The following GREB1L variants were observed in gnomAD, a reference collection of about 807,000 sequenced individuals.
GREB1L encodes GREB1 like retinoic acid receptor coactivator, also known as GREB1-like protein.
In GREB1L, 17 loss-of-function variants were observed where a neutral mutation model predicts 200.8. The observed-to-expected ratio is 0.08, with a 90% CI of 0.06 to 0.13. The LOEUF is 0.13. Ranked by LOEUF, GREB1L falls within the 10% of genes least tolerant of loss-of-function variation. GREB1L has a pLI of 1.00. For missense variants in GREB1L, 1,657 were observed against 2,367.7 expected (o/e 0.70, Z 6.23); for synonymous variants, 789 against 893.0 (o/e 0.88, Z 2.08).
chr18:21,486,174 G>A (rs1377621932), intron 18 of GREB1L, among the ~76,000 whole-genome samples: 2 of 152,148 alleles, frequency 1.3e-5, no homozygotes, highest in Non-Finnish European at 1.5e-5. Context: ...CTAACACGGT[G>A]AAACCCCATC....
chr18:21,391,793 G>T (rs563263122), intron 4 of GREB1L, among the ~76,000 whole-genome samples: 155 of 152,284 alleles, frequency 1.0e-3, no homozygotes, highest in African/African-American at 3.3e-3. Flanking sequence ...AGTAATTTTA[G>T]ATTGGTTTGT....
At chr18:21,363,451 G>A (rs2039612761) in intron 1 of GREB1L, 1 of 151,904 alleles carries the variant, frequency 6.6e-6, no homozygotes, top group Non-Finnish European at 1.5e-5. Context: ...TTTTGTGTGT[G>A]TGGCAATTGT....
At chr18:21,508,784 C>A in intron 27 of GREB1L, 193 bp downstream of exon 27, 1 of 606,522 alleles carries the variant, frequency 1.6e-6, no homozygotes, top group Admixed American at 3.0e-5. Flanking sequence ...TTTATCTGCA[C>A]TTTTGCAGAA....
intron 10 of GREB1L, 93 bp downstream of exon 10, chr18:21,441,630 T>G: frequency 8.8e-7 from 1 of 1,140,322 alleles, no homozygotes; most frequent in Non-Finnish European, 1.2e-6. Context: ...CATGAAGATA[T>G]TCATCCATCT....
At chr18:21,378,291 A>G (rs1375727499) in intron 2 of GREB1L, among the ~76,000 whole-genome samples, 1 of 152,212 alleles carries the variant, frequency 6.6e-6, no homozygotes, top group Admixed American at 6.5e-5. Context: ...TTTGGGTAGC[A>G]TTGGGATATC....
intron 1 of GREB1L, among the ~76,000 whole-genome samples, chr18:21,242,643 C>A (rs906182565): frequency 1.1e-4 from 16 of 152,136 alleles, no homozygotes; most frequent in African/African-American, 3.6e-4. Context: ...TGCCGCCTCG[C>A]GTCGCCCACC....
chr18:21,467,990 A>C (rs1161218631), intron 15 of GREB1L, among the ~76,000 whole-genome samples: 6 of 150,170 alleles, frequency 4.0e-5, no homozygotes, highest in Non-Finnish European at 7.4e-5. Context: ...ATGCCACTGC[A>C]CTCCAGCCTG....
At position 21,385,346 on chromosome 18, in the gene GREB1L, G is replaced by A. The variant is rs560692011; in HGVS notation, c.355+943G>A. On this transcript the variant is annotated intron_variant, in intron 4 of 32. Transcript: ENST00000424526. ...CAAATATGGAAAGTCAGAAAGCCCTGCTTGGGAGTTTTATTTTCTCTTGAC... is the reference window on the plus strand; with the variant it reads ...CAAATATGGAAAGTCAGAAAGCCCTACTTGGGAGTTTTATTTTCTCTTGAC... Among the ~76,000 whole-genome samples the A allele has an allele frequency of 2.6e-5, 4 of 151,686 alleles. No homozygotes were observed. In the East Asian group the frequency reaches 5.8e-4, roughly 22 times the overall value.
At chr18:21,360,708 C>T (rs2039569499) in intron 1 of GREB1L, among the ~76,000 whole-genome samples, 1 of 152,048 alleles carries the variant, frequency 6.6e-6, no homozygotes, top group Admixed American at 6.6e-5. Flanking sequence ...TAGAAAAACT[C>T]CTCTCATTTA....
chr18:21,288,593 A>C (rs1169121272), intron 1 of GREB1L, among the ~76,000 whole-genome samples: 4 of 152,262 alleles, frequency 2.6e-5, no homozygotes, highest in African/African-American at 9.6e-5. Flanking sequence ...TTTTTGAAAT[A>C]ACTATTTCCC....
intron 1 of GREB1L, among the ~76,000 whole-genome samples, chr18:21,282,135 G>A (rs1392796099): frequency 6.6e-6 from 1 of 152,026 alleles, no homozygotes; most frequent in Non-Finnish European, 1.5e-5. Context: ...AAGAAGCCAG[G>A]GGTGGTGGCA....
At position 21,285,189 on chromosome 18, in the gene GREB1L, T is replaced by C. The variant is rs373992092; in HGVS notation, c.-120+42796T>C. 4.1e-4 allele frequency among the ~76,000 whole-genome samples: 63 copies of C among 152,312 alleles called. 1 individual carries two copies. Among genetic ancestry groups the C allele is most frequent in the African/African-American group, 1.5e-3 (61 of 41,592 alleles). On this transcript the variant is annotated intron_variant, in intron 1 of 32. Coordinates refer to ENST00000424526, the MANE Select transcript of GREB1L (RefSeq NM_001142966.3). The stretch of plus-strand genomic sequence containing the variant: ...AATTTTTATCATTTTAAAAATTTTC[T>C]GTTCATTTTCTTGATGTATGTATAC...
chr18:21,471,496 A>T (rs979747317), intron 15 of GREB1L, among the ~76,000 whole-genome samples: 2 of 152,170 alleles, frequency 1.3e-5, no homozygotes, highest in African/African-American at 4.8e-5. Flanking sequence ...GAACTCCATG[A>T]GATTTAGATC....
At chr18:21,344,510 A>T (rs2039316421) in intron 1 of GREB1L, among the ~76,000 whole-genome samples, 1 of 152,206 alleles carries the variant, frequency 6.6e-6, no homozygotes, top group South Asian at 2.1e-4. Context: ...GATCTCACAG[A>T]TGTTGTACTG....
At chr18:21,492,203 A>C (rs1292522671) in intron 19 of GREB1L, among the ~76,000 whole-genome samples, 2 of 151,914 alleles carry the variant, frequency 1.3e-5, no homozygotes, top group Non-Finnish European at 2.9e-5. Context: ...AAAATTAGCC[A>C]GGCATGGTGG....
At chr18:21,297,302 G>A (rs2038545481) in intron 1 of GREB1L, among the ~76,000 whole-genome samples, 1 of 152,122 alleles carries the variant, frequency 6.6e-6, no homozygotes, top group African/African-American at 2.4e-5. Flanking sequence ...TGAATTACAG[G>A]TGTGCAGTGA....
intron 1 of GREB1L, among the ~76,000 whole-genome samples, chr18:21,248,019 G>T (rs553007767): frequency 1.2e-3 from 183 of 152,304 alleles, no homozygotes; most frequent in Non-Finnish European, 2.2e-3. Context: ...TTAAATATTA[G>T]TTATAAAATA....
chr18:21,505,312 C>G, intron 23 of GREB1L, 100 bp from the exon 24 acceptor site: 1 of 1,085,192 alleles, frequency 9.2e-7, no homozygotes, highest in Non-Finnish European at 1.3e-6. Context: ...ATGCCTTTGT[C>G]CACCCATCTG....
chr18:21,476,924 C>T (rs1031351795), intron 16 of GREB1L, among the ~76,000 whole-genome samples: 2 of 150,500 alleles, frequency 1.3e-5, no homozygotes, highest in African/African-American at 2.5e-5. Flanking sequence ...TGAGTTTGCA[C>T]TTTGAGGTAT....
Sources: gnomAD v4.1 joint callset for allele counts (sites outside exome capture counted in the v4.1 genomes callset) on GRCh38, gnomAD v4.1.1 for gene constraint, MANE v1.5 for transcripts, NCBI Gene and HGNC (gene_info 2026-07-23, HGNC 2026-07-21) for gene names.